H3C6: variants seen among roughly 807,000 people sequenced by gnomAD.
H3C6 encodes H3 clustered histone 6.
A neutral mutation model predicts 8.0 loss-of-function variants in H3C6; 17 were observed. The observed-to-expected ratio is 2.13, with a 90% CI of 1.46 to 3.19. The LOEUF is 3.19. Among genes scored for constraint, H3C6 ranks in the 30% most tolerant of loss-of-function variants. The pLI is 0.00. For missense variants in H3C6, 298 were observed against 193.8 expected (o/e 1.54, Z -3.19); for synonymous variants, 169 against 78.0 (o/e 2.17, Z -6.15).
At chr6:26,227,299 A>AT (rs1759596380), downstream of H3C6, 1 of 152,208 alleles carries the variant, frequency 6.6e-6, no homozygotes, top group Non-Finnish European at 1.5e-5. Flanking sequence ...TTTAACCTGT[A>AT]TTTCTCTTAC....
rs1047361211 is a variant in H3C6, at chr6:26,225,466, TTTCGAGGACACCAACCTGTGCGCTA to T, written c.316_340del (p.Glu106MetfsTer5). 6.2e-7 allele frequency: 1 copy of T among 1,614,104 alleles called. No homozygotes were observed. The highest frequency in any genetic ancestry group is 8.5e-7 in the Non-Finnish European group (1 of 1,180,044). ...CCTGCGAGGCCTACTTGGTGGGGCTTTTCGAGGACACCAACCTGTGCGCTATTCATGCCAAACGCGTGACCATCAT... is the reference window on the plus strand; with the variant it reads ...CCTGCGAGGCCTACTTGGTGGGGCTTTTCATGCCAAACGCGTGACCATCAT... On this transcript the variant is annotated frameshift_variant, in exon 1 of 1. Transcript: ENST00000614911. LOFTEE classifies it high-confidence loss of function.
At chr6:26,225,823 C>G, downstream of H3C6, 1 of 409,200 alleles carries the variant, frequency 2.4e-6, no homozygotes, top group Non-Finnish European at 4.4e-6. Context: ...TTTTGCTGTT[C>G]AGGCCCTCTG....
chr6:26,227,066 G>A (rs1405166440), downstream of H3C6: 1 of 152,188 alleles, frequency 6.6e-6, no homozygotes, highest in Non-Finnish European at 1.5e-5. Flanking sequence ...GAGATTTATG[G>A]AAGAAATTTT....
chr6:26,225,624 C>T, downstream of H3C6: 1 of 1,550,544 alleles, frequency 6.4e-7, no homozygotes, highest in Non-Finnish European at 8.7e-7. Context: ...CCACTTTGTC[C>T]GTGAAAAGGG....
chr6:26,227,071 A>C (rs1759587952), downstream of H3C6: 1 of 152,186 alleles, frequency 6.6e-6, no homozygotes, highest in Admixed American at 6.5e-5. Context: ...TTATGGAAGA[A>C]ATTTTTGTTC....
chr6:26,226,478 G>C (rs907297660), downstream of H3C6: 16 of 152,368 alleles, frequency 1.1e-4, no homozygotes, highest in African/African-American at 3.9e-4. Flanking sequence ...CGCAACCTCC[G>C]CCTCCCGGGT....
At chr6:26,224,866 T>A (rs1765592854), upstream of H3C6, 2 of 236,768 alleles carry the variant, frequency 8.4e-6, no homozygotes, top group Non-Finnish European at 1.6e-5. Context: ...GGATAACAGA[T>A]CAGTCTATTA....
In H3C6 at chr6:26,225,439, G is replaced by A. The variant is rs774681553; in HGVS notation, c.285G>A (p.Glu95=). 4 of 1,614,272 alleles carry A rather than the reference G, an allele frequency of 2.5e-6. No individual in the cohort carries two copies. In the East Asian group the frequency reaches 6.7e-5, roughly 27 times the overall value. Reference sequence around the variant, plus strand: ...GTTCCGCGGTGATGGCGCTGCAGGAGGCCTGCGAGGCCTACTTGGTGGGGC... The same window carrying A: ...GTTCCGCGGTGATGGCGCTGCAGGAAGCCTGCGAGGCCTACTTGGTGGGGC... ...FQSSAVMALQ[E]ACEAYLVGLF... is the part of the protein sequence containing the mutation. The change falls in exon 1 of 1, where the codon GAG becomes GAA. Residue 95 remains glutamate (E), a synonymous_variant. Coordinates refer to ENST00000614911, the MANE Select transcript of H3C6 (RefSeq NM_003532.3).
At position 26,225,281 on chromosome 6, in the gene H3C6, C is replaced by G; in HGVS notation, c.127C>G (p.Arg43Gly). The G allele has an allele frequency of 6.2e-7, 1 of 1,614,148 alleles. No homozygotes were observed. The highest frequency in any genetic ancestry group is 8.5e-7 in the Non-Finnish European group (1 of 1,179,994). ...TGGVKKPHRY[R>G]PGTVALREIR... Reference sequence around the variant, plus strand: ...CGGCGTGAAGAAGCCCCATCGCTACCGCCCTGGCACCGTGGCTCTGCGCGA... The same window carrying G: ...CGGCGTGAAGAAGCCCCATCGCTACGGCCCTGGCACCGTGGCTCTGCGCGA... Residue 43 changes from arginine (R) to glycine (G), a missense_variant, in exon 1 of 1, where the codon CGC becomes GGC. Arg to Gly is a moderately radical substitution (Grantham distance 125, BLOSUM62 -2). Coordinates refer to ENST00000614911, the MANE Select transcript of H3C6 (RefSeq NM_003532.3).
upstream of H3C6, among the ~76,000 whole-genome samples, chr6:26,224,487 G>C (rs1254700770): frequency 1.3e-5 from 2 of 152,066 alleles, no homozygotes; most frequent in African/African-American, 4.8e-5. Context: ...TTTTTTTGAC[G>C]GCTCTTGCCA....
Position 26,225,387 on chromosome 6 carries a change from A to T in H3C6, c.233A>T (p.Asp78Val). 2 of 1,614,254 alleles carry T rather than the reference A, an allele frequency of 1.2e-6. No individual in the cohort carries two copies. Among genetic ancestry groups the T allele is most frequent in the Non-Finnish European group, 1.7e-6 (2 of 1,180,036 alleles). ...FQRLVREIAQ[D>V]FKTDLRFQSS... ...CGCCTGGTGCGAGAAATAGCTCAGG[A>T]CTTCAAGACCGACCTGCGCTTCCAG... The change falls in exon 1 of 1, where the codon GAC becomes GTC. Residue 78 changes from aspartate (D) to valine (V), a missense_variant. Transcript: ENST00000614911.
rs202067024 is a variant in H3C6 at position 26,225,429 on chromosome 6, C to A, written c.275C>A (p.Ala92Glu). ...DLRFQSSAVM[A>E]LQEACEAYLV... ...CGCTTCCAGAGTTCCGCGGTGATGG[C>A]GCTGCAGGAGGCCTGCGAGGCCTAC... is the stretch of plus-strand genomic sequence containing the variant. Residue 92 changes from alanine (A) to glutamate (E), a missense_variant, in exon 1 of 1, where the codon GCG (alanine) becomes GAG (glutamate). Transcript: ENST00000614911. The A allele has an allele frequency of 5.0e-6, 8 of 1,614,232 alleles. No individual in the cohort carries two copies. The highest frequency in any genetic ancestry group is 6.8e-6 in the Non-Finnish European group (8 of 1,180,042).
In H3C6 at chr6:26,225,460, G is replaced by A. The variant is rs766862764; in HGVS notation, c.306G>A (p.Val102=). The A allele has an allele frequency of 3.7e-6, 6 of 1,614,260 alleles. No homozygotes were observed. The highest frequency in any genetic ancestry group is 5.1e-6 in the Non-Finnish European group (6 of 1,180,046). The change falls in exon 1 of 1, where the codon GTG becomes GTA. Residue 102 remains valine (V), a synonymous_variant. Transcript: ENST00000614911. ...AGGAGGCCTGCGAGGCCTACTTGGTGGGGCTTTTCGAGGACACCAACCTGT... is the reference window on the plus strand; with the variant it reads ...AGGAGGCCTGCGAGGCCTACTTGGTAGGGCTTTTCGAGGACACCAACCTGT... ...ALQEACEAYL[V]GLFEDTNLCA...
chr6:26,224,481 T>C (rs988766918), upstream of H3C6, among the ~76,000 whole-genome samples: 2 of 152,242 alleles, frequency 1.3e-5, no homozygotes, highest in Non-Finnish European at 2.9e-5. Context: ...AAATACTTTT[T>C]TTGACGGCTC....
chr6:26,225,728 A>G, downstream of H3C6: 1 of 913,002 alleles, frequency 1.1e-6, no homozygotes, highest in Non-Finnish European at 1.6e-6. Flanking sequence ...TGCTTCATTT[A>G]AATTTCCAAA....
At chr6:26,225,797 G>T, downstream of H3C6, 1 of 482,334 alleles carries the variant, frequency 2.1e-6, no homozygotes, top group Non-Finnish European at 3.6e-6. Context: ...GTTCTCCATT[G>T]GTTTAGCTGG....
chr6:26,225,663 C>T, downstream of H3C6: 1 of 1,307,098 alleles, frequency 7.7e-7, no homozygotes, highest in East Asian at 2.3e-5. Flanking sequence ...CATTAGACCA[C>T]TAAACTGCAC....
chr6:26,225,705 T>G, downstream of H3C6: 3 of 1,072,826 alleles, frequency 2.8e-6, no homozygotes, highest in Non-Finnish European at 4.0e-6. Flanking sequence ...ATAGTGGCAT[T>G]CAGTTCCCTC....
rs760361169 is a variant in H3C6, at chr6:26,225,221, A to AGAG, written c.67_68insGAG (p.Thr23delinsArgAla). Reference sequence around the variant, plus strand: ...TAAAGCACCGCGCAAACAGCTGGCCACTAAGGCAGCTCGCAAGAGCGCTCC... The same window carrying AGAG: ...TAAAGCACCGCGCAAACAGCTGGCCAGAGCTAAGGCAGCTCGCAAGAGCGCTCC... On this transcript the variant is annotated protein_altering_variant, in exon 1 of 1. Transcript: ENST00000614911. 3 of 1,610,530 alleles carry AGAG rather than the reference A, an allele frequency of 1.9e-6. No individual in the cohort carries two copies. The Admixed American group carries it at 5.0e-5, about 27-fold the overall frequency.
Sources: gnomAD v4.1 joint callset for allele counts (sites outside exome capture counted in the v4.1 genomes callset) on GRCh38, gnomAD v4.1.1 for gene constraint, MANE v1.5 for transcripts, NCBI Gene and HGNC (gene_info 2026-07-23, HGNC 2026-07-21) for gene names.